The following CDKL5 variants were observed in gnomAD, a reference collection of about 807,000 sequenced individuals.
CDKL5 encodes the protein cyclin-dependent kinase-like 5.
CDKL5 carries 8 observed loss-of-function variants against 61.7 expected under a neutral mutation model. The ratio of observed to expected loss-of-function variants is 0.13; its 90% CI spans 0.08 to 0.23. The LOEUF (loss-of-function observed/expected upper bound fraction) is 0.23. CDKL5 is among the 10% of genes least tolerant of loss of function. The pLI, the probability that CDKL5 is intolerant of heterozygous loss-of-function variation, is 1.00. For synonymous variants in CDKL5, 275 were observed against 272.3 expected (o/e 1.01, Z -0.10); for missense variants, 440 against 734.5 (o/e 0.60, Z 4.63).
intron 1 of CDKL5, among the ~76,000 whole-genome samples, chrX:18,472,284 T>C (rs11094741): frequency 9.0e-6 from 1 of 110,785 alleles, no homozygotes. Context: ...CTTTTACTTA[T>C]TAACACCATG....
chrX:18,618,594 A>G (rs1236308002), intron 15 of CDKL5, among the ~76,000 whole-genome samples: 4 of 112,357 alleles, frequency 3.6e-5, no homozygotes, highest in Non-Finnish European at 7.5e-5. Flanking sequence ...GTCACAAGAA[A>G]CTTTTACCAA....
intron 21 of CDKL5, chrX:18,653,356 C>T: frequency 5.9e-6 from 7 of 1,178,856 alleles, no homozygotes; most frequent in East Asian, 3.1e-5. Flanking sequence ...GTGGGGGGCC[C>T]GGGCATTAGC....
intron 3 of CDKL5, among the ~76,000 whole-genome samples, chrX:18,539,937 C>A (rs1490515734): frequency 1.8e-5 from 2 of 111,573 alleles, no homozygotes; most frequent in Non-Finnish European, 1.9e-5. Context: ...TTGCCCTCCC[C>A]ACTTAAAAAA....
intron 1 of CDKL5, among the ~76,000 whole-genome samples, chrX:18,439,890 C>T (rs1172613663): frequency 9.5e-6 from 1 of 105,101 alleles, no homozygotes; most frequent in Non-Finnish European, 1.9e-5. Context: ...ATTAAGTGTG[C>T]AATAACATTA....
intron 3 of CDKL5, among the ~76,000 whole-genome samples, chrX:18,518,385 CTTATT>C (rs1923108876): frequency 8.8e-5 from 2 of 22,792 alleles, no homozygotes; most frequent in African/African-American, 3.0e-4. Flanking sequence ...CTTTTCTTTT[CTTATT>C]TTTTTTTTTT....
chrX:18,477,489 G>A (rs1921362634), intron 1 of CDKL5, among the ~76,000 whole-genome samples: 1 of 112,434 alleles, frequency 8.9e-6, no homozygotes, highest in Non-Finnish European at 1.9e-5. Context: ...TTTGTTTACT[G>A]TATTTTTCAT....
At chrX:18,471,211 G>A (rs887852387) in intron 1 of CDKL5, among the ~76,000 whole-genome samples, 1 of 110,412 alleles carries the variant, frequency 9.1e-6, no homozygotes, top group Non-Finnish European at 1.9e-5. Context: ...TACATAGTAG[G>A]TATATATATT....
chrX:18,599,732 G>A (rs1387947201), intron 11 of CDKL5, among the ~76,000 whole-genome samples: 1 of 112,499 alleles, frequency 8.9e-6, no homozygotes, highest in East Asian at 2.8e-4. Flanking sequence ...TGGAGTTACA[G>A]GCATGAGCCA....
At chrX:18,518,939 A>G (rs756681812) in intron 3 of CDKL5, among the ~76,000 whole-genome samples, 1 of 111,245 alleles carries the variant, frequency 9.0e-6, no homozygotes, top group Non-Finnish European at 1.9e-5. Flanking sequence ...TTAAGGAGTA[A>G]CATTATTAGC....
chrX:18,504,554 C>A (rs1398417909), intron 1 of CDKL5, among the ~76,000 whole-genome samples: 1 of 111,945 alleles, frequency 8.9e-6, no homozygotes, highest in Non-Finnish European at 1.9e-5. Context: ...AAAATTTGCA[C>A]CAATTTACAT....
chrX:18,468,419 A>T (rs1920983260), intron 1 of CDKL5, among the ~76,000 whole-genome samples: 1 of 112,352 alleles, frequency 8.9e-6, no homozygotes, highest in South Asian at 3.6e-4. Context: ...GTGAATCATT[A>T]GTTGTATGTT....
Position 18,631,150 on chromosome X carries a change from A to G in CDKL5, c.*2393A>G, listed in dbSNP as rs781068909. ...TCTCAGATGTTTGCAGAACATTTCTATTCATGACGGTTCTTCAAAGAAGGG... is the reference window on the plus strand; with the variant it reads ...TCTCAGATGTTTGCAGAACATTTCTGTTCATGACGGTTCTTCAAAGAAGGG... On this transcript the variant is annotated 3_prime_UTR_variant, in exon 18 of 18. Coordinates refer to ENST00000623535, the MANE Select transcript of CDKL5 (RefSeq NM_001323289.2). 53 of 750,876 alleles carry G rather than the reference A, an allele frequency of 7.1e-5. No homozygotes were observed. The highest frequency in any genetic ancestry group is 1.4e-4 in the African/African-American group (6 of 42,673). 61.9% of individuals were successfully genotyped at this position (750,876 alleles called of 1,213,427 possible).
At chrX:18,447,123 TG>T (rs916304539) in intron 1 of CDKL5, among the ~76,000 whole-genome samples, 2 of 111,098 alleles carry the variant, frequency 1.8e-5, no homozygotes, top group African/African-American at 6.6e-5. Flanking sequence ...TTGTCACAAT[TG>T]GGGGGTGGTG....
intron 3 of CDKL5, among the ~76,000 whole-genome samples, chrX:18,546,301 G>A (rs1052351557): frequency 1.2e-5 from 1 of 86,943 alleles, no homozygotes; most frequent in Non-Finnish European, 2.1e-5. Flanking sequence ...CCCTCTTGTC[G>A]CCCAAGCTGG....
chrX:18,520,892 C>T (rs373862200), intron 3 of CDKL5, among the ~76,000 whole-genome samples: 2 of 111,800 alleles, frequency 1.8e-5, no homozygotes, highest in South Asian at 3.7e-4. Flanking sequence ...GTGCAAGCCA[C>T]CATGCCTGAC....
rs1172057989 is a variant in CDKL5, at chrX:18,629,001, AT to A, written c.*245del. 3.0e-5 allele frequency: 29 copies of A among 964,920 alleles called. No individual in the cohort carries two copies. The Admixed American group carries it at 1.4e-3, about 47-fold the overall frequency. The allele number at this position is 964,920 out of a possible 1,213,427, so 79.5% of individuals were successfully genotyped here. ...CACTCCCCACAGGTCTTGTGTGAGA[AT>A]AGATAGAGTGTGCCATTGAGGAAGA... On this transcript the variant is annotated 3_prime_UTR_variant, in exon 18 of 18. Coordinates refer to ENST00000623535, the MANE Select transcript of CDKL5 (RefSeq NM_001323289.2).
chrX:18,534,356 G>GAT (rs1569204076), intron 3 of CDKL5, among the ~76,000 whole-genome samples: 1 of 111,453 alleles, frequency 9.0e-6, no homozygotes, highest in Admixed American at 9.6e-5. Context: ...TGGATTCTAT[G>GAT]ATATATATTT....
intron 4 of CDKL5, among the ~76,000 whole-genome samples, chrX:18,569,957 A>G (rs1225463058): frequency 9.0e-6 from 1 of 111,630 alleles, no homozygotes; most frequent in Admixed American, 9.6e-5. Flanking sequence ...TTTTCTATAG[A>G]GAACTATTTT....
At position 18,598,230 on chromosome X, in the gene CDKL5, A is replaced by G. The variant is rs778305734; in HGVS notation, c.826-232A>G. On this transcript the variant is annotated intron_variant, in intron 10 of 17. Transcript: ENST00000623535. ...AACTGTGTATATTTTGTAAAAGAAA[A>G]TATGTATATAGGATATTCAAAAAAG... Among the ~76,000 whole-genome samples, 14 of 111,662 alleles carry G rather than the reference A, an allele frequency of 1.3e-4. 1 individual carries two copies. Among genetic ancestry groups the G allele is most frequent in the African/African-American group, 4.5e-4 (14 of 30,787 alleles).
Sources: gnomAD v4.1 joint callset for allele counts (sites outside exome capture counted in the v4.1 genomes callset) on GRCh38, gnomAD v4.1.1 for gene constraint, MANE v1.5 for transcripts, NCBI Gene and HGNC (gene_info 2026-07-23, HGNC 2026-07-21) for gene names.